TMEM67: variants seen among roughly 807,000 people sequenced by gnomAD.
The protein encoded by TMEM67 is transmembrane protein 67, also known as meckelin.
In TMEM67, 124 loss-of-function variants were observed where a neutral mutation model predicts 136.6. That is an observed-to-expected ratio of 0.91 (90% CI 0.78 to 1.05). TMEM67 has a LOEUF of 1.05. Among genes scored for constraint, TMEM67 ranks in the 50% least tolerant of loss-of-function variants. The pLI is 0.00. For synonymous variants in TMEM67, 364 were observed against 390.5 expected, an observed-to-expected ratio of 0.93 and a Z score of 0.80; for missense variants, 1,107 against 1,178.4, an observed-to-expected ratio of 0.94 and a Z score of 0.89.
intron 25 of TMEM67, among the ~76,000 whole-genome samples, chr8:93,809,542 G>A (rs1220744173): frequency 6.6e-6 from 1 of 151,994 alleles, no homozygotes; most frequent in Non-Finnish European, 1.5e-5. Flanking sequence ...TTTCTAAAAA[G>A]CATTTTATAA....
chr8:93,809,799 G>A lies in TMEM67; in HGVS notation c.2676G>A (p.Met892Ile). ...GSFIDHVHKE[M>I]DYFIKDKLLL... ...TTCTTTATTAGGTTCATAAGGAAAT[G>A]GATTACTTTATAAAAGATAAGTTGC... Residue 892 changes from methionine (M) to isoleucine (I), a missense_variant, in exon 26 of 28, where the codon ATG becomes ATA. Physicochemically the swap from Met to Ile is conservative, Grantham distance 10. Transcript: ENST00000453321. 6.3e-7 allele frequency: 1 copy of A among 1,577,966 alleles called. No individual in the cohort carries two copies. The highest frequency in any genetic ancestry group is 2.2e-5 in the East Asian group (1 of 44,468).
chr8:93,793,414 A>T, intron 16 of TMEM67, 118 bp downstream of exon 16: 1 of 838,234 alleles, frequency 1.2e-6, no homozygotes, highest in Non-Finnish European at 2.0e-6. Flanking sequence ...TGGGATATGT[A>T]ATTAGGGTAA....
At chr8:93,787,699 T>C in intron 13 of TMEM67, 145 bp from the exon 14 acceptor site, 2 of 676,424 alleles carry the variant, frequency 3.0e-6, no homozygotes, top group South Asian at 3.5e-5. Context: ...CATTAGTTTA[T>C]GTGTAACCTT....
chr8:93,773,840 A>T (rs1238816751), intron 7 of TMEM67, among the ~76,000 whole-genome samples: 1 of 152,114 alleles, frequency 6.6e-6, no homozygotes, highest in Non-Finnish European at 1.5e-5. Flanking sequence ...ATGTCATGCT[A>T]TGAGTTTTTC....
intron 6 of TMEM67, among the ~76,000 whole-genome samples, chr8:93,769,169 G>A (rs1813220955): frequency 6.6e-6 from 1 of 152,136 alleles, no homozygotes; most frequent in African/African-American, 2.4e-5. Context: ...CGCGGGCAGG[G>A]AAGGGCAGCC....
chr8:93,768,174 C>T (rs141914249), intron 6 of TMEM67, among the ~76,000 whole-genome samples: 1 of 152,090 alleles, frequency 6.6e-6, no homozygotes, highest in African/African-American at 2.4e-5. Context: ...CTGGAGTCAG[C>T]CATTTCTTTA....
At chr8:93,798,275 T>G (rs1024229283) in intron 20 of TMEM67, among the ~76,000 whole-genome samples, 1 of 152,180 alleles carries the variant, frequency 6.6e-6, no homozygotes, top group Non-Finnish European at 1.5e-5. Context: ...AGGCTCACCC[T>G]TAGAGACTAT....
intron 3 of TMEM67, among the ~76,000 whole-genome samples, chr8:93,760,498 A>T (rs1291942368): frequency 6.6e-6 from 1 of 152,190 alleles, no homozygotes; most frequent in Non-Finnish European, 1.5e-5. Context: ...TGAGTCAAAT[A>T]CTAAATATGA....
intron 10 of TMEM67, 53 bp downstream of exon 10, chr8:93,781,797 A>G (rs1339667973): frequency 9.1e-7 from 1 of 1,095,922 alleles, no homozygotes; most frequent in South Asian, 1.4e-5. Context: ...TTTGCCTGAG[A>G]CAAAGCCAAG....
At chr8:93,790,656 T>A (rs992478701) in intron 14 of TMEM67, among the ~76,000 whole-genome samples, 2 of 152,258 alleles carry the variant, frequency 1.3e-5, no homozygotes, top group Non-Finnish European at 2.9e-5. Flanking sequence ...TGAAAACCTC[T>A]TTCATGAAAG....
At chr8:93,775,565 A>G (rs1002610909) in intron 7 of TMEM67, among the ~76,000 whole-genome samples, 2 of 152,166 alleles carry the variant, frequency 1.3e-5, no homozygotes, top group Non-Finnish European at 2.9e-5. Context: ...TCAGCTTTCT[A>G]CATATGGCTA....
chr8:93,812,226 CA>C (rs568186138), intron 26 of TMEM67, among the ~76,000 whole-genome samples: 2 of 151,622 alleles, frequency 1.3e-5, no homozygotes, highest in South Asian at 4.2e-4. Flanking sequence ...GGGTGCTAAG[CA>C]GATCTGATTT....
intron 11 of TMEM67, among the ~76,000 whole-genome samples, chr8:93,785,000 G>A (rs1814027457): frequency 6.6e-6 from 1 of 152,096 alleles, no homozygotes; most frequent in African/African-American, 2.4e-5. Context: ...ACTGTTAGTG[G>A]TTTTGGTCCT....
rs968955300 is a variant in TMEM67 at position 93,763,706 on chromosome 8, C to T, written c.407-136C>T. ...TTTATTATGGAGATACTTGTTATGC[C>T]TTTAATGCAAATAAAGTGTTTTGAG... On this transcript the variant is annotated intron_variant, in intron 3 of 27. Transcript: ENST00000453321. 2.0e-5 allele frequency: 13 copies of T among 666,318 alleles called. No homozygotes were observed. The African/African-American group carries it at 2.0e-4, about 10-fold the overall frequency. The allele number at this position is 666,318 out of a possible 1,614,324, so 41.3% of individuals were successfully genotyped here.
At chr8:93,775,392 A>G (rs1813493557) in intron 7 of TMEM67, among the ~76,000 whole-genome samples, 5 of 152,110 alleles carry the variant, frequency 3.3e-5, no homozygotes, top group Admixed American at 2.0e-4. Context: ...TTTTGTTGCC[A>G]TTGCTTTTGG....
chr8:93,774,362 A>C (rs1813446816), intron 7 of TMEM67, among the ~76,000 whole-genome samples: 2 of 152,236 alleles, frequency 1.3e-5, no homozygotes, highest in African/African-American at 2.4e-5. Flanking sequence ...CTTTTTATTT[A>C]TTTCTTTTTT....
At chr8:93,786,963 T>A (rs1247345137) in intron 13 of TMEM67, among the ~76,000 whole-genome samples, 2 of 152,222 alleles carry the variant, frequency 1.3e-5, no homozygotes, top group Non-Finnish European at 2.9e-5. Context: ...ATTTTTCAGT[T>A]ATTTCATTTT....
chr8:93,831,905 C>CA, the TMEM67 span, among the ~76,000 whole-genome samples: 1 of 152,198 alleles, frequency 6.6e-6, no homozygotes, highest in East Asian at 1.9e-4. Context: ...TAGACAACTG[C>CA]AAGTTTTAAC....
chr8:93,765,058 A>G (rs1813022247), intron 4 of TMEM67, among the ~76,000 whole-genome samples: 1 of 152,220 alleles, frequency 6.6e-6, no homozygotes, highest in African/African-American at 2.4e-5. Flanking sequence ...AGGAAAGTAT[A>G]TTTGATATAA....
Sources: gnomAD v4.1 joint callset for allele counts (sites outside exome capture counted in the v4.1 genomes callset) on GRCh38, gnomAD v4.1.1 for gene constraint, MANE v1.5 for transcripts, NCBI Gene and HGNC (gene_info 2026-07-23, HGNC 2026-07-21) for gene names.